The following KCNAB1 variants were observed in gnomAD, a reference collection of about 807,000 sequenced individuals.
KCNAB1 encodes voltage-gated potassium channel subunit beta-1.
KCNAB1 carries 35 observed loss-of-function variants against 64.6 expected under a neutral mutation model. That is an observed-to-expected ratio of 0.54 (90% confidence interval 0.41 to 0.72). The LOEUF (loss-of-function observed/expected upper bound fraction) is 0.72. Among genes scored for constraint, KCNAB1 ranks in the 30% least tolerant of loss-of-function variants. The probability of loss-of-function intolerance (pLI) is 0.00; values close to 1 mark genes in which losing one functional copy is unlikely to be tolerated. For missense variants in KCNAB1, 401 were observed against 512.9 expected (o/e 0.78, Z 2.11); for synonymous variants, 177 against 183.8 (o/e 0.96, Z 0.30).
intron 1 of KCNAB1, among the ~76,000 whole-genome samples, chr3:156,197,982 A>C (rs147766399): frequency 1.4e-3 from 215 of 152,224 alleles, no homozygotes; most frequent in African/African-American, 4.9e-3. Context: ...ATTCTGGTAC[A>C]TTGTGTCTTT....
chr3:156,448,525 A>G (rs529077339), intron 2 of KCNAB1, among the ~76,000 whole-genome samples: 1 of 152,304 alleles, frequency 6.6e-6, no homozygotes, highest in Non-Finnish European at 1.5e-5. Flanking sequence ...CCTCCTCAGG[A>G]GTAGAAAGTG....
intron 1 of KCNAB1, among the ~76,000 whole-genome samples, chr3:156,121,225 G>A (rs1713326149): frequency 6.6e-6 from 1 of 152,186 alleles, no homozygotes; most frequent in Non-Finnish European, 1.5e-5. Context: ...CTACAAAAAA[G>A]AGTTTGCAAT....
chr3:156,522,944 C>G (rs1000314035), intron 11 of KCNAB1, among the ~76,000 whole-genome samples: 2 of 152,156 alleles, frequency 1.3e-5, no homozygotes, highest in Non-Finnish European at 2.9e-5. Context: ...TACTCTTTTC[C>G]CCTGGGTGTT....
chr3:156,418,536 TAG>T (rs1715251231), intron 1 of KCNAB1, among the ~76,000 whole-genome samples: 1 of 152,166 alleles, frequency 6.6e-6, no homozygotes, highest in South Asian at 2.1e-4. Flanking sequence ...CAAACATGGA[TAG>T]AGACAGGAGG....
At chr3:156,386,476 A>G (rs1712603340) in intron 1 of KCNAB1, among the ~76,000 whole-genome samples, 1 of 152,180 alleles carries the variant, frequency 6.6e-6, no homozygotes, top group Non-Finnish European at 1.5e-5. Flanking sequence ...TCTCTCTGGC[A>G]TCTGCATTCA....
intron 1 of KCNAB1, among the ~76,000 whole-genome samples, chr3:156,272,308 T>C (rs1318460535): frequency 1.3e-5 from 2 of 152,214 alleles, no homozygotes; most frequent in African/African-American, 4.8e-5. Context: ...CAAGTTCCCC[T>C]GGGCCCCAGG....
chr3:156,338,104 C>G (rs568465456), intron 1 of KCNAB1, among the ~76,000 whole-genome samples: 7 of 152,150 alleles, frequency 4.6e-5, no homozygotes, highest in Admixed American at 6.5e-5. Flanking sequence ...ACTCTCTGTG[C>G]CTCTCCAGGT....
chr3:156,293,033 T>C (rs1720546869), intron 1 of KCNAB1, among the ~76,000 whole-genome samples: 1 of 152,332 alleles, frequency 6.6e-6, no homozygotes, highest in Admixed American at 6.5e-5. Context: ...ATTCTACTGG[T>C]TTCCTCATAA....
intron 1 of KCNAB1, among the ~76,000 whole-genome samples, chr3:156,361,259 C>T (rs1725594288): frequency 1.3e-5 from 2 of 152,150 alleles, no homozygotes; most frequent in Non-Finnish European, 1.5e-5. Flanking sequence ...TACTCCCTTC[C>T]TTCTCTTCCC....
At chr3:156,135,505 A>G (rs1463852011) in intron 1 of KCNAB1, among the ~76,000 whole-genome samples, 2 of 152,174 alleles carry the variant, frequency 1.3e-5, no homozygotes, top group African/African-American at 4.8e-5. Flanking sequence ...CTATTACCTT[A>G]TTTGTAAAAC....
At chr3:156,482,649 G>A (rs1714915482) in intron 8 of KCNAB1, among the ~76,000 whole-genome samples, 2 of 151,978 alleles carry the variant, frequency 1.3e-5, no homozygotes, top group South Asian at 4.2e-4. Flanking sequence ...TCTGTTACGA[G>A]CCAATTGATC....
At chr3:156,427,787 T>C (rs542591320) in intron 2 of KCNAB1, among the ~76,000 whole-genome samples, 1 of 152,264 alleles carries the variant, frequency 6.6e-6, no homozygotes, top group African/African-American at 2.4e-5. Context: ...ACAGGTGATA[T>C]GGGGTCTAGG....
chr3:156,312,702 C>T (rs1187009888), intron 1 of KCNAB1, among the ~76,000 whole-genome samples: 1 of 20,010 alleles, frequency 5.0e-5, no homozygotes, highest in East Asian at 8.9e-4. Flanking sequence ...GAGACTGTCT[C>T]CAAAAAAAAA....
chr3:156,187,148 T>G (rs1350472870), intron 1 of KCNAB1, among the ~76,000 whole-genome samples: 1 of 152,190 alleles, frequency 6.6e-6, no homozygotes, highest in Non-Finnish European at 1.5e-5. Flanking sequence ...GCCACCGTGC[T>G]GGGACATCTC....
intron 1 of KCNAB1, among the ~76,000 whole-genome samples, chr3:156,337,384 C>T (rs898261378): frequency 1.3e-5 from 2 of 151,996 alleles, no homozygotes; most frequent in African/African-American, 4.8e-5. Flanking sequence ...GTTCTTTTTT[C>T]CCCCCACTGT....
chr3:156,394,206 G>A (rs1241459368), intron 1 of KCNAB1, among the ~76,000 whole-genome samples: 1 of 152,202 alleles, frequency 6.6e-6, no homozygotes, highest in African/African-American at 2.4e-5. Flanking sequence ...TGCTGGAGAA[G>A]AGAAACCTGG....
At chr3:156,360,216 G>C (rs1164745496) in intron 1 of KCNAB1, among the ~76,000 whole-genome samples, 1 of 152,064 alleles carries the variant, frequency 6.6e-6, no homozygotes, top group Non-Finnish European at 1.5e-5. Context: ...ATTGCATCGA[G>C]CCTGAGTTTC....
intron 8 of KCNAB1, among the ~76,000 whole-genome samples, chr3:156,506,684 T>C (rs1716855008): frequency 6.6e-6 from 1 of 152,202 alleles, no homozygotes; most frequent in Non-Finnish European, 1.5e-5. Flanking sequence ...GCTCAGTGCA[T>C]GAATTCCTTT....
At chr3:156,478,584 C>G (rs1714551105) in intron 8 of KCNAB1, among the ~76,000 whole-genome samples, 1 of 152,108 alleles carries the variant, frequency 6.6e-6, no homozygotes. Context: ...ATGCAAATGT[C>G]AAGGGTCATG....
Sources: gnomAD v4.1 joint callset for allele counts (sites outside exome capture counted in the v4.1 genomes callset) on GRCh38, gnomAD v4.1.1 for gene constraint, MANE v1.5 for transcripts, NCBI Gene and HGNC (gene_info 2026-07-23, HGNC 2026-07-21) for gene names.